RALGAPA2: variants seen among roughly 807,000 people sequenced by gnomAD.
RALGAPA2 encodes ral GTPase-activating protein subunit alpha-2.
A neutral mutation model predicts 230.4 loss-of-function variants in RALGAPA2; 139 were observed. That is an observed-to-expected ratio of 0.60 (90% CI 0.53 to 0.69). RALGAPA2 has a LOEUF of 0.69. Among genes scored for constraint, RALGAPA2 ranks in the 30% least tolerant of loss-of-function variants. The probability of loss-of-function intolerance (pLI) is 0.00; values close to 1 mark genes in which losing one functional copy is unlikely to be tolerated. For missense variants in RALGAPA2, 2,163 were observed against 2,276.0 expected (o/e 0.95, Z 1.01); for synonymous variants, 847 against 837.8 (o/e 1.01, Z -0.19).
intron 26 of RALGAPA2, among the ~76,000 whole-genome samples, chr20:20,533,284 C>A (rs917230066): frequency 2.0e-5 from 3 of 151,830 alleles, no homozygotes; most frequent in African/African-American, 4.8e-5. Flanking sequence ...TGGATATATA[C>A]AGTTTTTGCA....
intron 38 of RALGAPA2, among the ~76,000 whole-genome samples, chr20:20,397,304 G>T (rs2059737614): frequency 6.6e-6 from 1 of 152,204 alleles, no homozygotes; most frequent in Non-Finnish European, 1.5e-5. Context: ...CTGTGCAGAG[G>T]AAAGCTTGGG....
At chr20:20,599,507 A>T (rs1304719006) in intron 16 of RALGAPA2, among the ~76,000 whole-genome samples, 2 of 152,218 alleles carry the variant, frequency 1.3e-5, no homozygotes, top group African/African-American at 4.8e-5. Flanking sequence ...TATATGTAAA[A>T]CCACAATCTG....
At chr20:20,578,183 A>G (rs931188322) in intron 20 of RALGAPA2, among the ~76,000 whole-genome samples, 1 of 152,078 alleles carries the variant, frequency 6.6e-6, no homozygotes, top group African/African-American at 2.4e-5. Flanking sequence ...ATGAACAAAA[A>G]TGTTAATGAG....
intron 36 of RALGAPA2, among the ~76,000 whole-genome samples, chr20:20,479,403 G>A (rs2061723172): frequency 6.6e-6 from 1 of 152,126 alleles, no homozygotes; most frequent in Admixed American, 6.5e-5. Flanking sequence ...CAAAATATCA[G>A]CAAGCCAATT....
At chr20:20,681,232 A>T (rs1265126623) in intron 1 of RALGAPA2, among the ~76,000 whole-genome samples, 1 of 152,142 alleles carries the variant, frequency 6.6e-6, no homozygotes, top group Non-Finnish European at 1.5e-5. Flanking sequence ...TGGAGCTCCT[A>T]AATGGACCAA....
At chr20:20,521,360 C>T (rs910586618) in intron 30 of RALGAPA2, among the ~76,000 whole-genome samples, 1 of 152,086 alleles carries the variant, frequency 6.6e-6, no homozygotes, top group African/African-American at 2.4e-5. Context: ...ATTGCACATA[C>T]CTAAGTCCCC....
intron 37 of RALGAPA2, among the ~76,000 whole-genome samples, chr20:20,418,727 A>G (rs2060215999): frequency 7.8e-6 from 1 of 128,666 alleles, no homozygotes; most frequent in Non-Finnish European, 1.6e-5. Context: ...GTGCAATTCT[A>G]TTGCTATACA....
At position 20,536,760 on chromosome 20, in the gene RALGAPA2, C is replaced by A; in HGVS notation, c.3310G>T (p.Val1104Phe). The A allele has an allele frequency of 6.2e-7, 1 of 1,612,598 alleles. No individual in the cohort carries two copies. Among genetic ancestry groups the A allele is most frequent in the Non-Finnish European group, 8.5e-7 (1 of 1,178,894 alleles). ...LTAPRSEAVT[V>F]LGSLVCFPNT... ...GGAAAGCAGACCAGAGAGCCGAGGA[C>A]AGTGACAGCCTCTGAACGAGGCGCC... The change falls in exon 25 of 40, where the codon GTC becomes TTC. Residue 1104 changes from valine to phenylalanine, a missense_variant. By Grantham distance (50) the Val-to-Phe change is conservative. Transcript: ENST00000202677.
At chr20:20,535,025 G>GA (rs2063463741) in intron 26 of RALGAPA2, among the ~76,000 whole-genome samples, 1 of 152,230 alleles carries the variant, frequency 6.6e-6, no homozygotes, top group South Asian at 2.1e-4. Context: ...AAATACAAGA[G>GA]AAAAAACACT....
At chr20:20,603,036 G>C (rs1207333165) in intron 15 of RALGAPA2, among the ~76,000 whole-genome samples, 1 of 152,134 alleles carries the variant, frequency 6.6e-6, no homozygotes, top group Non-Finnish European at 1.5e-5. Flanking sequence ...CAGGCCCCGG[G>C]TTTACACAAA....
At chr20:20,412,216 T>G (rs2122771174) in intron 37 of RALGAPA2, 68 bp from the exon 38 acceptor site, 1 of 1,586,694 alleles carries the variant, frequency 6.3e-7, no homozygotes, top group East Asian at 2.3e-5. Context: ...CAGAATTCAC[T>G]TTTAATACCG....
At chr20:20,470,648 C>T (rs1007168449) in intron 37 of RALGAPA2, among the ~76,000 whole-genome samples, 7 of 151,994 alleles carry the variant, frequency 4.6e-5, no homozygotes, top group African/African-American at 2.4e-5. Flanking sequence ...ATATAGGGCT[C>T]CTTTTTCAAA....
intron 1 of RALGAPA2, among the ~76,000 whole-genome samples, chr20:20,705,491 T>C (rs2069560035): frequency 6.6e-6 from 1 of 152,046 alleles, no homozygotes; most frequent in African/African-American, 2.4e-5. Flanking sequence ...CCATGAGCAA[T>C]TGCACCCAGC....
intron 37 of RALGAPA2, among the ~76,000 whole-genome samples, chr20:20,421,657 C>T (rs1390894224): frequency 6.6e-6 from 1 of 151,926 alleles, no homozygotes; most frequent in Non-Finnish European, 1.5e-5. Context: ...GCAACAAGAG[C>T]GAAACTCTGT....
chr20:20,523,551 C>T (rs910456988), intron 30 of RALGAPA2, among the ~76,000 whole-genome samples: 4 of 152,124 alleles, frequency 2.6e-5, no homozygotes, highest in Non-Finnish European at 5.9e-5. Context: ...TAACATTAAT[C>T]AACTGTAGAT....
intron 37 of RALGAPA2, among the ~76,000 whole-genome samples, chr20:20,467,435 GT>G (rs2061442364): frequency 1.3e-5 from 2 of 152,114 alleles, no homozygotes; most frequent in Admixed American, 1.3e-4. Flanking sequence ...ATATTTTCCT[GT>G]TTCCAATTTT....
At position 20,660,786 on chromosome 20, in the gene RALGAPA2, T is replaced by C. The variant is rs114182966; in HGVS notation, c.271-7199A>G. 5.3e-3 allele frequency among the ~76,000 whole-genome samples: 801 copies of C among 152,262 alleles called. 7 individuals carry two copies. Among genetic ancestry groups the C allele is most frequent in the African/African-American group, 0.018 (762 of 41,566 alleles). ...TGCTTTTGTGGGTACTGACAGTAGA[T>C]AGAGCCTAGACTATGTCTCACCTCC... On this transcript the variant is annotated intron_variant, in intron 3 of 39. Coordinates refer to ENST00000202677, the MANE Select transcript of RALGAPA2 (RefSeq NM_020343.4).
At chr20:20,583,967 T>C (rs2065059818) in intron 19 of RALGAPA2, among the ~76,000 whole-genome samples, 1 of 152,210 alleles carries the variant, frequency 6.6e-6, no homozygotes, top group East Asian at 1.9e-4. Context: ...TTGCTGTTTC[T>C]AATCTGCTGT....
chr20:20,464,544 T>C (rs1221750285), intron 37 of RALGAPA2, among the ~76,000 whole-genome samples: 1 of 152,198 alleles, frequency 6.6e-6, no homozygotes, highest in African/African-American at 2.4e-5. Context: ...CACTTCCTTC[T>C]TGTCTGCAAG....
Sources: allele counts gnomAD v4.1 joint callset (sites outside exome capture counted in the v4.1 genomes callset), GRCh38; gene constraint gnomAD v4.1.1; transcripts MANE v1.5; gene names NCBI Gene and HGNC (gene_info 2026-07-23, HGNC 2026-07-21).